HS3ST3A1: variants seen among roughly 807,000 people sequenced by gnomAD.
HS3ST3A1 encodes heparan sulfate glucosamine 3-O-sulfotransferase 3A1.
In HS3ST3A1, 19 loss-of-function variants were observed where a neutral mutation model predicts 25.7. That is an observed-to-expected ratio of 0.74 (90% CI 0.52 to 1.08). The LOEUF is 1.08. Ranked by LOEUF, HS3ST3A1 falls within the 50% of genes least tolerant of loss-of-function variation. The pLI is 0.00. For synonymous variants in HS3ST3A1, 226 were observed against 278.6 expected (o/e 0.81, Z 1.88); for missense variants, 459 against 594.3 (o/e 0.77, Z 2.37).
At chr17:13,560,743 G>T (rs1907522018) in intron 1 of HS3ST3A1, among the ~76,000 whole-genome samples, 1 of 152,050 alleles carries the variant, frequency 6.6e-6, no homozygotes, top group African/African-American at 2.4e-5. Context: ...TTTCAACACA[G>T]GTGCCTGATA....
chr17:13,550,688 A>G (rs576044068), intron 1 of HS3ST3A1, among the ~76,000 whole-genome samples: 1 of 151,240 alleles, frequency 6.6e-6, no homozygotes, highest in South Asian at 2.1e-4. Flanking sequence ...TTTAGGTGCA[A>G]AATGGAAGGC....
intron 1 of HS3ST3A1, among the ~76,000 whole-genome samples, chr17:13,555,239 G>GTGGAA (rs1329821614): frequency 6.6e-6 from 1 of 152,158 alleles, no homozygotes; most frequent in Non-Finnish European, 1.5e-5. Context: ...ACTCCAGGAA[G>GTGGAA]TCTTTCGCAA....
chr17:13,588,745 A>G (rs1288020202), intron 1 of HS3ST3A1, among the ~76,000 whole-genome samples: 1 of 151,232 alleles, frequency 6.6e-6, no homozygotes, highest in Non-Finnish European at 1.5e-5. Flanking sequence ...GTGCTGTGGC[A>G]GAATCTCAGC....
chr17:13,558,714 A>T (rs531914512), intron 1 of HS3ST3A1, among the ~76,000 whole-genome samples: 1 of 152,348 alleles, frequency 6.6e-6, no homozygotes, highest in African/African-American at 2.4e-5. Context: ...TACCATTTGC[A>T]GACTTAATAT....
intron 1 of HS3ST3A1, among the ~76,000 whole-genome samples, chr17:13,505,968 A>T (rs1905654518): frequency 6.7e-6 from 1 of 148,158 alleles, no homozygotes; most frequent in Admixed American, 6.8e-5. Context: ...CGGAGGTTGC[A>T]GTGAGCCGAG....
At chr17:13,564,719 C>CT (rs397812904) in intron 1 of HS3ST3A1, among the ~76,000 whole-genome samples, 69,064 of 124,274 alleles carry the variant, frequency 0.56, 19,498 homozygotes, top group Non-Finnish European at 0.6. Context: ...GACTTCTTTC[C>CT]TTTTTTTTTT....
At chr17:13,513,436 G>T (rs545372198) in intron 1 of HS3ST3A1, among the ~76,000 whole-genome samples, 4 of 152,276 alleles carry the variant, frequency 2.6e-5, no homozygotes, top group Non-Finnish European at 5.9e-5. Context: ...TGCAAAAAAG[G>T]TTCATTACAG....
intron 1 of HS3ST3A1, among the ~76,000 whole-genome samples, chr17:13,537,861 G>T (rs1413266595): frequency 6.6e-6 from 1 of 152,208 alleles, no homozygotes; most frequent in African/African-American, 2.4e-5. Flanking sequence ...TTCCAAGGTA[G>T]TAAAAGTAAT....
intron 1 of HS3ST3A1, among the ~76,000 whole-genome samples, chr17:13,575,974 G>A (rs566672393): frequency 9.8e-5 from 15 of 152,342 alleles, no homozygotes; most frequent in African/African-American, 3.6e-4. Flanking sequence ...CTACTTGGAA[G>A]CTTGTTAGAA....
chr17:13,548,654 G>C (rs147965118), intron 1 of HS3ST3A1, among the ~76,000 whole-genome samples: 2,410 of 152,270 alleles, frequency 0.016, 38 homozygotes, highest in Non-Finnish European at 0.027. Flanking sequence ...GGGACTTGGA[G>C]AACTTTTCTG....
chr17:13,520,025 C>G (rs891611797), intron 1 of HS3ST3A1, among the ~76,000 whole-genome samples: 1 of 152,092 alleles, frequency 6.6e-6, no homozygotes, highest in African/African-American at 2.4e-5. Flanking sequence ...ACTATCTGAC[C>G]CTAATTTTCT....
intron 1 of HS3ST3A1, among the ~76,000 whole-genome samples, chr17:13,579,089 C>T (rs577832314): frequency 1.2e-3 from 187 of 152,082 alleles, no homozygotes; most frequent in African/African-American, 2.3e-3. Context: ...TAACTGGACA[C>T]GTTTTTTCAT....
At chr17:13,589,278 T>C (rs547082544) in intron 1 of HS3ST3A1, among the ~76,000 whole-genome samples, 151 of 152,332 alleles carry the variant, frequency 9.9e-4, no homozygotes, top group African/African-American at 3.2e-3. Context: ...TAACAATCCA[T>C]GGGAGCTGAG....
intron 1 of HS3ST3A1, among the ~76,000 whole-genome samples, chr17:13,522,436 C>G (rs59874583): frequency 0.053 from 8,059 of 152,048 alleles, 230 homozygotes; most frequent in African/African-American, 0.07. Flanking sequence ...TGTTTTCTAC[C>G]TTATTAACAC....
At chr17:13,539,771 A>G (rs1156544866) in intron 1 of HS3ST3A1, among the ~76,000 whole-genome samples, 1 of 152,246 alleles carries the variant, frequency 6.6e-6, no homozygotes, top group Non-Finnish European at 1.5e-5. Context: ...TGAAATTTCC[A>G]TAGACAATAG....
chr17:13,536,651 G>T (rs922868034), intron 1 of HS3ST3A1, among the ~76,000 whole-genome samples: 5 of 152,270 alleles, frequency 3.3e-5, no homozygotes, highest in Middle Eastern at 3.4e-3. Context: ...CTTCCAGTTG[G>T]CTTCTCTTAA....
At chr17:13,562,017 G>A (rs1457375368) in intron 1 of HS3ST3A1, among the ~76,000 whole-genome samples, 2 of 152,114 alleles carry the variant, frequency 1.3e-5, no homozygotes, top group South Asian at 4.2e-4. Flanking sequence ...AATTGACAAA[G>A]TCACGCCGCC....
chr17:13,561,135 A>G lies in HS3ST3A1; in HGVS notation c.599+39396T>C, dbSNP rs1907536849. Among the ~76,000 whole-genome samples, 3 of 152,298 alleles carry G rather than the reference A, an allele frequency of 2.0e-5. No homozygotes were observed. In the South Asian group the frequency reaches 6.2e-4, roughly 32 times the overall value. On this transcript the variant is annotated intron_variant, in intron 1 of 1. Transcript: ENST00000284110. ...TTGGAGCCTACCTCAGACCAATAAA[A>G]GTAGAAATCACTGGGGACAGAACAA... is the stretch of plus-strand genomic sequence containing the variant.
intron 1 of HS3ST3A1, among the ~76,000 whole-genome samples, chr17:13,554,850 A>T (rs549737975): frequency 6.6e-6 from 1 of 152,228 alleles, no homozygotes; most frequent in African/African-American, 2.4e-5. Context: ...GTACCTTATT[A>T]TCTTGAAACT....
Sources: allele counts gnomAD v4.1 joint callset (sites outside exome capture counted in the v4.1 genomes callset), GRCh38; gene constraint gnomAD v4.1.1; transcripts MANE v1.5; gene names NCBI Gene and HGNC (gene_info 2026-07-23, HGNC 2026-07-21).